MCTP1: variants seen among roughly 807,000 people sequenced by gnomAD.
The protein encoded by MCTP1 is multiple C2 and transmembrane domain-containing protein 1.
A neutral mutation model predicts 120.6 loss-of-function variants in MCTP1; 69 were observed. That is an observed-to-expected ratio of 0.57 (90% CI 0.47 to 0.70). MCTP1 has a LOEUF of 0.70. MCTP1 is among the 30% of genes least tolerant of loss of function. The pLI is 0.00. For synonymous variants in MCTP1, 529 were observed against 493.1 expected, an observed-to-expected ratio of 1.07 and a Z score of -0.96; for missense variants, 1,203 against 1,248.8, an observed-to-expected ratio of 0.96 and a Z score of 0.55.
At chr5:94,965,010 G>T (rs1396285245) in intron 2 of MCTP1, among the ~76,000 whole-genome samples, 1 of 152,020 alleles carries the variant, frequency 6.6e-6, no homozygotes, top group Non-Finnish European at 1.5e-5. Flanking sequence ...ATAACTATTG[G>T]TCAAATTCTG....
intron 17 of MCTP1, among the ~76,000 whole-genome samples, chr5:94,852,168 T>C (rs2153225082): frequency 6.6e-6 from 1 of 152,080 alleles, no homozygotes; most frequent in East Asian, 1.9e-4. Flanking sequence ...AATTAATATT[T>C]AATTCATCTA....
At chr5:94,941,428 C>T (rs1817685880) in intron 4 of MCTP1, among the ~76,000 whole-genome samples, 1 of 152,034 alleles carries the variant, frequency 6.6e-6, no homozygotes, top group African/African-American at 2.4e-5. Flanking sequence ...ACCAATAAGC[C>T]ATTGTGCTCA....
At position 95,283,994 on chromosome 5, in the gene MCTP1, G is replaced by T; in HGVS notation, c.582C>A (p.Cys194Ter). Residue 194 changes from cysteine (C) to a stop codon, truncating the protein, a stop_gained, in exon 1 of 23, where the codon TGC becomes TGA. Coordinates refer to ENST00000515393, the MANE Select transcript of MCTP1 (RefSeq NM_024717.7). LOFTEE classifies it high-confidence loss of function. ...CCGGCAGAGAGGAGCTCTTCTGGTG[G>T]CACAAGTGCGCCCCGGGGCCCTGAC... ...ARRQGPGAHL[C>*]HQKSSSLPGT... The T allele has an allele frequency of 6.8e-7, 1 of 1,467,280 alleles. No individual in the cohort carries two copies. 90.9% of individuals were successfully genotyped at this position (1,467,280 alleles called of 1,614,324 possible). A position where few individuals can be genotyped will look rare whatever the true frequency, so the allele number is the denominator to read the frequency against.
At chr5:94,995,490 T>C (rs910385376) in intron 2 of MCTP1, among the ~76,000 whole-genome samples, 2 of 152,224 alleles carry the variant, frequency 1.3e-5, no homozygotes, top group African/African-American at 4.8e-5. Flanking sequence ...ATCTGATTGC[T>C]AATTTCACCA....
intron 7 of MCTP1, among the ~76,000 whole-genome samples, chr5:94,922,904 A>G (rs1812038931): frequency 6.6e-6 from 1 of 151,682 alleles, no homozygotes; most frequent in Admixed American, 6.6e-5. Flanking sequence ...TTATTATTTC[A>G]GCAAAGTACA....
chr5:94,783,732 G>A (rs1777054442), intron 18 of MCTP1, among the ~76,000 whole-genome samples: 1 of 151,962 alleles, frequency 6.6e-6, no homozygotes, highest in Non-Finnish European at 1.5e-5. Context: ...GGGTTAAAAG[G>A]CCCATGAATT....
intron 1 of MCTP1, among the ~76,000 whole-genome samples, chr5:95,077,841 T>C (rs1047820282): frequency 6.6e-6 from 1 of 152,202 alleles, no homozygotes; most frequent in Admixed American, 6.5e-5. Context: ...AAATGGCTTA[T>C]AGCTATGTTC....
At chr5:95,150,698 C>T (rs577061872) in intron 1 of MCTP1, among the ~76,000 whole-genome samples, 6 of 152,172 alleles carry the variant, frequency 3.9e-5, no homozygotes, top group African/African-American at 1.2e-4. Flanking sequence ...AAAGAACACT[C>T]GAGTTCAACT....
intron 1 of MCTP1, among the ~76,000 whole-genome samples, chr5:95,149,225 G>C (rs1760677969): frequency 6.6e-6 from 1 of 152,198 alleles, no homozygotes; most frequent in South Asian, 2.1e-4. Context: ...ACAGCTGGCA[G>C]ATAGGCCATA....
At chr5:95,058,519 T>G (rs1748026277) in intron 1 of MCTP1, among the ~76,000 whole-genome samples, 1 of 152,234 alleles carries the variant, frequency 6.6e-6, no homozygotes, top group African/African-American at 2.4e-5. Flanking sequence ...ACAATGCTTC[T>G]AAGCCCTCCA....
intron 2 of MCTP1, among the ~76,000 whole-genome samples, chr5:94,954,652 C>A (rs1250080280): frequency 6.6e-6 from 1 of 152,082 alleles, no homozygotes; most frequent in Non-Finnish European, 1.5e-5. Flanking sequence ...ATCATCTGGT[C>A]AACTATAAAA....
intron 3 of MCTP1, among the ~76,000 whole-genome samples, chr5:94,948,676 C>T (rs1819725672): frequency 1.3e-5 from 2 of 152,014 alleles, no homozygotes; most frequent in South Asian, 4.2e-4. Context: ...CTACTTGTGC[C>T]CCAGAATAAC....
chr5:95,238,356 T>C (rs1755783719), intron 1 of MCTP1, among the ~76,000 whole-genome samples: 1 of 152,218 alleles, frequency 6.6e-6, no homozygotes, highest in South Asian at 2.1e-4. Flanking sequence ...CCAAATGTAA[T>C]AGAATTGCGT....
intron 2 of MCTP1, among the ~76,000 whole-genome samples, chr5:95,012,950 G>A (rs1367701566): frequency 6.6e-6 from 1 of 152,130 alleles, no homozygotes; most frequent in South Asian, 2.1e-4. Context: ...ATGTCAAAAG[G>A]AGAGACAGGC....
intron 1 of MCTP1, among the ~76,000 whole-genome samples, chr5:95,181,141 C>A (rs1176677144): frequency 6.6e-6 from 1 of 152,196 alleles, no homozygotes; most frequent in Non-Finnish European, 1.5e-5. Flanking sequence ...CCAGAATGAT[C>A]CTCTAAAAAT....
At chr5:95,195,722 G>A (rs529785661) in intron 1 of MCTP1, among the ~76,000 whole-genome samples, 12 of 152,120 alleles carry the variant, frequency 7.9e-5, no homozygotes, top group African/African-American at 2.4e-4. Flanking sequence ...TAAAGTGACC[G>A]AGCTGAGATG....
chr5:95,009,313 C>T (rs148792350), intron 2 of MCTP1, among the ~76,000 whole-genome samples: 232 of 152,070 alleles, frequency 1.5e-3, no homozygotes, highest in Non-Finnish European at 2.8e-3. Flanking sequence ...ACACAGATTG[C>T]TCTTAAATTT....
intron 3 of MCTP1, among the ~76,000 whole-genome samples, chr5:94,949,796 A>C (rs543505679): frequency 4.6e-5 from 7 of 152,178 alleles, no homozygotes; most frequent in Non-Finnish European, 8.8e-5. Context: ...TCACTACAGA[A>C]TTGATTAGTC....
chr5:94,942,310 G>T, intron 4 of MCTP1, 38 bp downstream of exon 4: 2 of 1,480,398 alleles, frequency 1.4e-6, no homozygotes, highest in South Asian at 1.1e-5. Flanking sequence ...CCCACTGCAT[G>T]ACAAGGGGTG....
Sources: allele counts gnomAD v4.1 joint callset (sites outside exome capture counted in the v4.1 genomes callset), GRCh38; gene constraint gnomAD v4.1.1; transcripts MANE v1.5; gene names NCBI Gene and HGNC (gene_info 2026-07-23, HGNC 2026-07-21).